The following BMERB1 variants were observed in gnomAD, a reference collection of about 807,000 sequenced individuals.
The protein encoded by BMERB1 is bMERB domain containing 1, also known as bMERB domain-containing protein 1.
In BMERB1, 12 loss-of-function variants were observed where a neutral mutation model predicts 23.6. The ratio of observed to expected loss-of-function variants is 0.51; its 90% CI spans 0.33 to 0.82. The LOEUF (loss-of-function observed/expected upper bound fraction) is 0.82. Ranked by LOEUF, BMERB1 falls within the 40% of genes least tolerant of loss-of-function variation. BMERB1 has a pLI of 0.03. For missense variants in BMERB1, 247 were observed against 255.4 expected (o/e 0.97, Z 0.22); for synonymous variants, 122 against 96.6 (o/e 1.26, Z -1.54).
At chr16:15,463,274 G>C (rs1273639774) in intron 1 of BMERB1, among the ~76,000 whole-genome samples, 1 of 148,472 alleles carries the variant, frequency 6.7e-6, no homozygotes, top group African/African-American at 2.6e-5. Flanking sequence ...TATATATTTT[G>C]TAGAGGCGGG....
At chr16:15,529,424 T>G (rs2051946382) in intron 2 of BMERB1, among the ~76,000 whole-genome samples, 2 of 152,104 alleles carry the variant, frequency 1.3e-5, no homozygotes, top group Non-Finnish European at 2.9e-5. Flanking sequence ...AGGACTGAGA[T>G]CTAGGGCATT....
At chr16:15,546,833 T>C (rs577457048) in intron 2 of BMERB1, among the ~76,000 whole-genome samples, 107 of 152,236 alleles carry the variant, frequency 7.0e-4, no homozygotes, top group Admixed American at 1.2e-3. Flanking sequence ...ATAAACTTGT[T>C]TGTGGAGGCC....
At chr16:15,451,386 T>C (rs1243685411) in intron 1 of BMERB1, among the ~76,000 whole-genome samples, 2 of 151,922 alleles carry the variant, frequency 1.3e-5, no homozygotes, top group Admixed American at 6.6e-5. Context: ...TTTCACTGTA[T>C]TGACCAAGCT....
In BMERB1 at chr16:15,557,858, A is replaced by G. The variant is rs142422119; in HGVS notation, c.231-10125A>G. Among the ~76,000 whole-genome samples the G allele has an allele frequency of 7.6e-3, 1,164 of 152,292 alleles. 20 individuals are homozygous for G. The highest frequency in any genetic ancestry group is 0.026 in the African/African-American group (1,091 of 41,560). On this transcript the variant is annotated intron_variant, in intron 2 of 5. Coordinates refer to ENST00000300006, the MANE Select transcript of BMERB1 (RefSeq NM_033201.3). The stretch of plus-strand genomic sequence containing the variant: ...TAAGGAGTTCAAGACCAGCCTGGCC[A>G]AGATGGTGAAACTCCATCTCTCCTA...
intron 5 of BMERB1, chr16:15,584,018 C>T (rs1053399763): frequency 1.4e-6 from 1 of 702,362 alleles, no homozygotes. Flanking sequence ...TCTGGAATCT[C>T]TGGAGAAGCC....
Position 15,434,718 on chromosome 16 carries a change from C to A in BMERB1, c.65C>A (p.Ala22Glu). The A allele has an allele frequency of 6.3e-7, 1 of 1,579,570 alleles. No homozygotes were observed. The highest frequency in any genetic ancestry group is 8.6e-7 in the Non-Finnish European group (1 of 1,164,874). ...EAEKPLRRYGAVEETAWKTER... is the reference protein window; with the variant it reads ...EAEKPLRRYGEVEETAWKTER... ...GAGAAGCCTCTGAGGCGCTATGGGG[C>A]GGTGGAGGAGACGGCTTGGAAAACG... The change falls in exon 1 of 6, where the codon GCG (alanine) becomes GAG (glutamate). Residue 22 changes from alanine (A) to glutamate (E), a missense_variant. Ala to Glu is a moderately radical substitution (Grantham distance 107, BLOSUM62 -1). Coordinates refer to ENST00000300006, the MANE Select transcript of BMERB1 (RefSeq NM_033201.3).
chr16:15,461,895 C>G (rs936640404), intron 1 of BMERB1, among the ~76,000 whole-genome samples: 5 of 151,990 alleles, frequency 3.3e-5, no homozygotes, highest in Non-Finnish European at 7.4e-5. Flanking sequence ...GATTGGGCCA[C>G]TGCACTCCAG....
chr16:15,491,105 C>T (rs866188673), intron 1 of BMERB1, among the ~76,000 whole-genome samples: 1 of 152,252 alleles, frequency 6.6e-6, no homozygotes, highest in South Asian at 2.1e-4. Context: ...CCGCCTCGGC[C>T]TCCCAAAGTG....
intron 1 of BMERB1, among the ~76,000 whole-genome samples, chr16:15,511,156 C>T (rs2051659567): frequency 6.6e-6 from 1 of 152,038 alleles, no homozygotes; most frequent in African/African-American, 2.4e-5. Context: ...ACCAGATGGC[C>T]CCAGGAGATC....
intron 1 of BMERB1, among the ~76,000 whole-genome samples, chr16:15,441,869 G>A (rs982191523): frequency 3.9e-5 from 6 of 152,166 alleles, no homozygotes; most frequent in Non-Finnish European, 7.4e-5. Context: ...TGGGGAATAA[G>A]TCCATAGCGG....
intron 3 of BMERB1, among the ~76,000 whole-genome samples, chr16:15,571,662 CCTTT>C (rs1256290098): frequency 6.6e-6 from 1 of 152,046 alleles, no homozygotes; most frequent in African/African-American, 2.4e-5. Flanking sequence ...GCCAAAACTG[CCTTT>C]CTTTTTTTCC....
At chr16:15,498,498 T>G (rs970861013) in intron 1 of BMERB1, among the ~76,000 whole-genome samples, 1 of 150,856 alleles carries the variant, frequency 6.6e-6, no homozygotes, top group African/African-American at 2.4e-5. Context: ...AACTCCAGAC[T>G]TGGTAATAGA....
intron 1 of BMERB1, among the ~76,000 whole-genome samples, chr16:15,461,414 C>T (rs1468281466): frequency 1.3e-5 from 2 of 152,136 alleles, no homozygotes; most frequent in Non-Finnish European, 2.9e-5. Context: ...TTCCTTTCTT[C>T]TTTCTTCCCT....
chr16:15,452,352 G>GAGAGAA (rs1567451664), intron 1 of BMERB1, among the ~76,000 whole-genome samples: 4 of 150,710 alleles, frequency 2.7e-5, no homozygotes, highest in Non-Finnish European at 5.9e-5. Context: ...GAGAGAGAGA[G>GAGAGAA]AGAAAGAAAG....
At chr16:15,515,156 C>T (rs941216246) in intron 1 of BMERB1, 149 bp from the exon 2 acceptor site, 14 of 1,003,110 alleles carry the variant, frequency 1.4e-5, no homozygotes, top group African/African-American at 3.3e-5. Context: ...AGGGTGTGCT[C>T]ACGAATACAC....
chr16:15,441,113 T>C (rs1019877909), intron 1 of BMERB1, among the ~76,000 whole-genome samples: 2 of 152,178 alleles, frequency 1.3e-5, no homozygotes, highest in Non-Finnish European at 2.9e-5. Flanking sequence ...TAGGGCCTTT[T>C]AGGTTGTGAT....
At position 15,523,246 on chromosome 16, in the gene BMERB1, CT is replaced by C. The variant is rs536389260; in HGVS notation, c.230+7820del. Among the ~76,000 whole-genome samples, 36 of 152,150 alleles carry C rather than the reference CT, an allele frequency of 2.4e-4. No homozygotes were observed. In the South Asian group the frequency reaches 7.2e-3, roughly 31 times the overall value. On this transcript the variant is annotated intron_variant, in intron 2 of 5. Transcript: ENST00000300006. The stretch of plus-strand genomic sequence containing the variant: ...TTGACGTCTTCTTGACATCCAGACG[CT>C]TGTGTCTTCTTTGCCGATCTGCAGC...
At chr16:15,444,779 T>C (rs562080222) in intron 1 of BMERB1, among the ~76,000 whole-genome samples, 1 of 152,350 alleles carries the variant, frequency 6.6e-6, no homozygotes, top group East Asian at 1.9e-4. Flanking sequence ...GGCTCTGCCA[T>C]GTCCTGGCTC....
chr16:15,464,674 G>C (rs1226250275), intron 1 of BMERB1, among the ~76,000 whole-genome samples: 1 of 152,148 alleles, frequency 6.6e-6, no homozygotes, highest in East Asian at 1.9e-4. Context: ...AAGTTGCCAT[G>C]GCACTTGTAA....
Sources: allele counts gnomAD v4.1 joint callset (sites outside exome capture counted in the v4.1 genomes callset), GRCh38; gene constraint gnomAD v4.1.1; transcripts MANE v1.5; gene names NCBI Gene and HGNC (gene_info 2026-07-23, HGNC 2026-07-21).